The following CDK14 variants were observed in gnomAD, a reference collection of about 807,000 sequenced individuals.
The protein encoded by CDK14 is cyclin-dependent kinase 14.
In CDK14, 34 loss-of-function variants were observed where a neutral mutation model predicts 60.7. The observed-to-expected ratio is 0.56, with a 90% CI of 0.43 to 0.75. The LOEUF is 0.75. Among genes scored for constraint, CDK14 ranks in the 30% least tolerant of loss-of-function variants. The pLI is 0.00. For missense variants in CDK14, 482 were observed against 564.1 expected (o/e 0.85, Z 1.47); for synonymous variants, 197 against 203.7 (o/e 0.97, Z 0.28).
At chr7:90,952,152 G>T (rs1275612532) in intron 8 of CDK14, among the ~76,000 whole-genome samples, 4 of 152,142 alleles carry the variant, frequency 2.6e-5, no homozygotes, top group Non-Finnish European at 5.9e-5. Context: ...GGAGTGGTCA[G>T]CAGAGTCTAA....
chr7:91,005,938 G>T (rs562560296), intron 10 of CDK14, among the ~76,000 whole-genome samples: 1 of 152,338 alleles, frequency 6.6e-6, no homozygotes, highest in South Asian at 2.1e-4. Context: ...GGTGATGTGG[G>T]CGACTGTGGT....
chr7:90,637,900 G>C (rs1223750475), intron 2 of CDK14, among the ~76,000 whole-genome samples: 1 of 149,804 alleles, frequency 6.7e-6, no homozygotes, highest in Non-Finnish European at 1.5e-5. Flanking sequence ...GGCCTTCTTT[G>C]TCTCTTTTGA....
intron 10 of CDK14, among the ~76,000 whole-genome samples, chr7:91,030,544 A>G (rs1349853384): frequency 1.3e-5 from 2 of 151,970 alleles, no homozygotes; most frequent in African/African-American, 4.8e-5. Flanking sequence ...AGAGCCCCAT[A>G]TTCTGCCTCT....
chr7:90,975,620 A>G (rs1795046362), intron 9 of CDK14, among the ~76,000 whole-genome samples: 4 of 152,016 alleles, frequency 2.6e-5, no homozygotes, highest in African/African-American at 9.7e-5. Flanking sequence ...CATTGGTATA[A>G]GACACTAGAA....
At chr7:90,799,717 A>T (rs970763965) in intron 5 of CDK14, among the ~76,000 whole-genome samples, 7 of 139,758 alleles carry the variant, frequency 5.0e-5, no homozygotes, top group African/African-American at 1.8e-4. Flanking sequence ...AAAAAAAAAA[A>T]GCTGAACCTG....
intron 14 of CDK14, among the ~76,000 whole-genome samples, chr7:91,160,415 C>G (rs1017424817): frequency 6.6e-6 from 1 of 152,146 alleles, no homozygotes; most frequent in African/African-American, 2.4e-5. Context: ...GGCAGGGTCC[C>G]TACCAGTTTT....
At chr7:91,043,884 T>C (rs1797160600) in intron 10 of CDK14, among the ~76,000 whole-genome samples, 1 of 152,198 alleles carries the variant, frequency 6.6e-6, no homozygotes, top group Non-Finnish European at 1.5e-5. Context: ...GCACTTACTG[T>C]ATATGTGCCA....
chr7:90,900,530 TA>T (rs1792474606), intron 7 of CDK14, among the ~76,000 whole-genome samples: 1 of 152,178 alleles, frequency 6.6e-6, no homozygotes, highest in South Asian at 2.1e-4. Flanking sequence ...TTTTTAACAT[TA>T]AAATCTCAAA....
At chr7:91,196,975 C>T (rs1802561778) in intron 14 of CDK14, among the ~76,000 whole-genome samples, 1 of 152,176 alleles carries the variant, frequency 6.6e-6, no homozygotes, top group Non-Finnish European at 1.5e-5. Context: ...AATAAAGTGC[C>T]AAACCTTGTT....
intron 14 of CDK14, among the ~76,000 whole-genome samples, chr7:91,145,373 C>T (rs1800593673): frequency 6.6e-6 from 1 of 152,210 alleles, no homozygotes; most frequent in Admixed American, 6.5e-5. Context: ...TATTGATCTG[C>T]AGCCTACAAG....
chr7:90,948,756 C>T (rs1794170378), intron 8 of CDK14, among the ~76,000 whole-genome samples: 1 of 152,210 alleles, frequency 6.6e-6, no homozygotes, highest in Non-Finnish European at 1.5e-5. Flanking sequence ...ATCTCAGGCC[C>T]CTCATCATAC....
chr7:91,062,044 C>G (rs1451874133), intron 11 of CDK14, among the ~76,000 whole-genome samples: 2 of 152,218 alleles, frequency 1.3e-5, no homozygotes, highest in Non-Finnish European at 2.9e-5. Flanking sequence ...GCGATGGGCT[C>G]CACCCAGTTC....
intron 2 of CDK14, among the ~76,000 whole-genome samples, chr7:90,612,491 G>T (rs1392909649): frequency 6.6e-6 from 1 of 152,090 alleles, no homozygotes; most frequent in Non-Finnish European, 1.5e-5. Flanking sequence ...GATTTTATAG[G>T]CCAGGCACGG....
intron 10 of CDK14, among the ~76,000 whole-genome samples, chr7:91,034,633 C>T (rs1051173904): frequency 5.9e-5 from 9 of 152,108 alleles, no homozygotes; most frequent in Non-Finnish European, 1.0e-4. Context: ...TTTCTGAAGC[C>T]CTGGCAGCTT....
rs368127916 is a variant in CDK14, at chr7:90,716,880, C to T, written c.124-9687C>T. On this transcript the variant is annotated intron_variant, in intron 2 of 14. Transcript: ENST00000380050. ...TTACATGGTTTAGTGCACCATGTCTCAAATTTCAAGGTGCACACAAATCAC... is the reference window on the plus strand; with the variant it reads ...TTACATGGTTTAGTGCACCATGTCTTAAATTTCAAGGTGCACACAAATCAC... Among the ~76,000 whole-genome samples, 11 of 152,090 alleles carry T rather than the reference C, an allele frequency of 7.2e-5. No individual in the cohort carries two copies. The East Asian group carries it at 1.7e-3, about 24-fold the overall frequency.
chr7:90,737,794 A>C (rs1387170899), intron 3 of CDK14, among the ~76,000 whole-genome samples: 2 of 152,188 alleles, frequency 1.3e-5, no homozygotes, highest in Non-Finnish European at 2.9e-5. Flanking sequence ...TCTCACCCTC[A>C]TACCCACTCT....
intron 14 of CDK14, among the ~76,000 whole-genome samples, chr7:91,195,097 G>A (rs1428273340): frequency 1.3e-5 from 2 of 152,160 alleles, no homozygotes; most frequent in African/African-American, 4.8e-5. Flanking sequence ...TATACCAGGA[G>A]GAAACCAATT....
intron 10 of CDK14, among the ~76,000 whole-genome samples, chr7:91,031,255 A>G (rs1796750623): frequency 1.3e-5 from 2 of 152,270 alleles, no homozygotes; most frequent in South Asian, 4.1e-4. Context: ...GCTAGGCTTT[A>G]CTTGCTATTT....
chr7:90,675,479 T>A (rs2116544891), intron 2 of CDK14, among the ~76,000 whole-genome samples: 1 of 152,294 alleles, frequency 6.6e-6, no homozygotes, highest in Middle Eastern at 3.4e-3. Context: ...AATTGCAAAG[T>A]ATCATCAACA....
Sources: gnomAD v4.1 joint callset for allele counts (sites outside exome capture counted in the v4.1 genomes callset) on GRCh38, gnomAD v4.1.1 for gene constraint, MANE v1.5 for transcripts, NCBI Gene and HGNC (gene_info 2026-07-23, HGNC 2026-07-21) for gene names.